The following IFIT1 variants were observed in gnomAD, a reference collection of about 807,000 sequenced individuals.
The protein encoded by IFIT1 is interferon induced protein with tetratricopeptide repeats 1, also known as antiviral innate immune response effector IFIT1.
A neutral mutation model predicts 2.5 loss-of-function variants in IFIT1; 1 was observed. The observed-to-expected ratio is 0.40, with a 90% CI of 0.14 to 1.92. The LOEUF (loss-of-function observed/expected upper bound fraction) is 1.92, where lower values mean the gene tolerates loss of function less well. IFIT1 is among the 40% of genes most tolerant of loss of function. The probability of loss-of-function intolerance (pLI) is 0.31; values close to 1 mark genes in which losing one functional copy is unlikely to be tolerated. For missense variants in IFIT1, 508 were observed against 557.8 expected, an observed-to-expected ratio of 0.91 and a Z score of 0.90; for synonymous variants, 191 against 201.7, an observed-to-expected ratio of 0.95 and a Z score of 0.45.
rs370267848 is a variant in IFIT1, at chr10:89,405,237, C to A, written c.*1525C>A. 9.5e-4 allele frequency: 144 copies of A among 152,210 alleles called. No homozygotes were observed. Among genetic ancestry groups the A allele is most frequent in the African/African-American group, 3.3e-3 (137 of 41,548 alleles). 9.4% of individuals were successfully genotyped at this position (152,210 alleles called of 1,614,324 possible). On this transcript the variant is annotated 3_prime_UTR_variant, in exon 2 of 2. Coordinates refer to ENST00000371804, the MANE Select transcript of IFIT1 (RefSeq NM_001548.5). ...TTATGCCATTTTATTTGAAGCACTACTTACTAAGTCATTTGCTGATATTAA... is the reference window on the plus strand; with the variant it reads ...TTATGCCATTTTATTTGAAGCACTAATTACTAAGTCATTTGCTGATATTAA...
chr10:89,401,600 C>T (rs944195114), intron 1 of IFIT1, among the ~76,000 whole-genome samples: 5 of 151,800 alleles, frequency 3.3e-5, no homozygotes, highest in South Asian at 2.1e-4. Context: ...CATAGGCTTA[C>T]GTGAAAAAAA....
Position 89,392,626 on chromosome 10 carries a change from T to C in IFIT1, c.-87T>C. ...CACTGTCTTGGGGTTTAAACGTAACTGAAAATCCACAAGACAGAATAGCCA... is the reference window on the plus strand; with the variant it reads ...CACTGTCTTGGGGTTTAAACGTAACCGAAAATCCACAAGACAGAATAGCCA... On this transcript the variant is annotated 5_prime_UTR_variant, in exon 1 of 2. Transcript: ENST00000371804. 5.5e-6 allele frequency: 8 copies of C among 1,464,140 alleles called. No homozygotes were observed. The highest frequency in any genetic ancestry group is 1.1e-5 in the South Asian group (1 of 87,934). 90.7% of individuals were successfully genotyped at this position (1,464,140 alleles called of 1,614,324 possible).
At chr10:89,395,343 G>C (rs1844326744) in intron 1 of IFIT1, among the ~76,000 whole-genome samples, 1 of 152,128 alleles carries the variant, frequency 6.6e-6, no homozygotes, top group Non-Finnish European at 1.5e-5. Context: ...ATAAAGGCTT[G>C]GGCCCACATT....
rs545460891 is a variant in IFIT1, at chr10:89,392,697, C to T, written c.-16C>T. ...AAGCAAAACCCTGCAGAACGGCTGC[C>T]TAATTTACAGCAACCATGAGGTAAG... On this transcript the variant is annotated 5_prime_UTR_variant, in exon 1 of 2. Transcript: ENST00000371804. 1.2e-6 allele frequency: 2 copies of T among 1,614,042 alleles called. No individual in the cohort carries two copies. The highest frequency in any genetic ancestry group is 1.1e-5 in the South Asian group (1 of 91,078).
rs999825117 is a variant in IFIT1 at position 89,402,815 on chromosome 10, G to T, written c.540G>T (p.Gly180=). The change falls in exon 2 of 2, where the codon GGG becomes GGT. Residue 180 remains glycine, a synonymous_variant. Coordinates refer to ENST00000371804, the MANE Select transcript of IFIT1 (RefSeq NM_001548.5). ...CTGAAAACCCTGAATCCAGCGCTGG[G>T]TATGCGATCTCTGCCTATCGCCTGG... ...VDPENPESSA[G]YAISAYRLDG... is the part of the protein sequence containing the mutation. The T allele has an allele frequency of 1.2e-6, 2 of 1,614,090 alleles. No individual in the cohort carries two copies. Among genetic ancestry groups the T allele is most frequent in the Non-Finnish European group, 1.7e-6 (2 of 1,180,052 alleles).
chr10:89,403,098 A>T lies in IFIT1; in HGVS notation c.823A>T (p.Lys275Ter). 6.2e-7 allele frequency: 1 copy of T among 1,614,212 alleles called. No homozygotes were observed. The highest frequency in any genetic ancestry group is 1.3e-5 in the African/African-American group (1 of 75,052). The change falls in exon 2 of 2, where the codon AAA becomes TAA. Residue 275 changes from lysine to a stop codon, truncating the protein, a stop_gained. Coordinates refer to ENST00000371804, the MANE Select transcript of IFIT1 (RefSeq NM_001548.5). LOFTEE classifies it low-confidence loss of function (END_TRUNC). Reference protein sequence around the residue: ...GSVDKALELLKKALQETPTSV... With the variant: ...GSVDKALELL ...TGTGGATAAAGCTCTTGAGTTATTA[A>T]AAAAGGCCTTGCAGGAAACACCCAC...
rs1381193628 is a variant in IFIT1, at chr10:89,405,899, G to A, written c.*2187G>A. 2 of 152,098 alleles carry A rather than the reference G, an allele frequency of 1.3e-5. No individual in the cohort carries two copies. Among genetic ancestry groups the A allele is most frequent in the Non-Finnish European group, 2.9e-5 (2 of 68,018 alleles). 9.4% of individuals were successfully genotyped at this position (152,098 alleles called of 1,614,324 possible). ...CTTGGCCATGGATACGATTGCGGGG[G>A]GGGCATTATTCTTACCACAGAGCAC... On this transcript the variant is annotated 3_prime_UTR_variant, in exon 2 of 2. Transcript: ENST00000371804.
chr10:89,402,497 C>G lies in IFIT1; in HGVS notation c.222C>G (p.Ser74Arg). ...GCCAGAATGAGGAAGCCCTGAAGAG[C>G]TTAAAAGAAGCTGAAAACTTAATGC... ...LKGQNEEALKSLKEAENLMQE... is the reference protein window; with the variant it reads ...LKGQNEEALKRLKEAENLMQE... Residue 74 changes from serine to arginine, a missense_variant, in exon 2 of 2, where the codon AGC becomes AGG. Ser to Arg is a moderately radical substitution (Grantham distance 110, BLOSUM62 -1). Transcript: ENST00000371804. 2 of 1,614,184 alleles carry G rather than the reference C, an allele frequency of 1.2e-6. No homozygotes were observed. The highest frequency in any genetic ancestry group is 1.7e-6 in the Non-Finnish European group (2 of 1,180,050).
Position 89,403,935 on chromosome 10 carries a change from G to A in IFIT1, c.*223G>A, listed in dbSNP as rs1255099244. 5.0e-6 allele frequency: 2 copies of A among 401,988 alleles called. No individual in the cohort carries two copies. Among genetic ancestry groups the A allele is most frequent in the Non-Finnish European group, 8.7e-6 (2 of 228,606 alleles). The allele number at this position is 401,988 out of a possible 1,614,324, so 24.9% of individuals were successfully genotyped here. On this transcript the variant is annotated 3_prime_UTR_variant, in exon 2 of 2. Transcript: ENST00000371804. The stretch of plus-strand genomic sequence containing the variant: ...TCATTTGTATGAGTGCTATGTAGTA[G>A]AGAAAAAATGTTAGTTAACTTTGTA...
At chr10:89,393,403 A>C in intron 1 of IFIT1, 1 of 816,802 alleles carries the variant, frequency 1.2e-6, no homozygotes, top group Non-Finnish European at 1.7e-6. Context: ...TCCTTACCTA[A>C]AGGGCCTAAT....
At chr10:89,396,710 C>T (rs1052522188) in intron 1 of IFIT1, among the ~76,000 whole-genome samples, 3 of 152,222 alleles carry the variant, frequency 2.0e-5, no homozygotes, top group Non-Finnish European at 4.4e-5. Flanking sequence ...TGTATCCAAA[C>T]CATAGCACTT....
In IFIT1 at chr10:89,402,594, C is replaced by T. The variant is rs1446635400; in HGVS notation, c.319C>T (p.His107Tyr). ...TWGNFAWMYY[H>Y]MGRLAEAQTY... is the part of the protein sequence containing the mutation. Reference sequence around the variant, plus strand: ...GGGCAACTTTGCCTGGATGTATTACCACATGGGCAGACTGGCAGAAGCCCA... The same window carrying T: ...GGGCAACTTTGCCTGGATGTATTACTACATGGGCAGACTGGCAGAAGCCCA... Residue 107 changes from histidine (H) to tyrosine (Y), a missense_variant, in exon 2 of 2, where the codon CAC (histidine) becomes TAC (tyrosine). Transcript: ENST00000371804. The T allele has an allele frequency of 8.7e-6, 14 of 1,614,186 alleles. 1 individual carries two copies. The Admixed American group carries it at 2.2e-4, about 25-fold the overall frequency.
chr10:89,402,907 G>C lies in IFIT1; in HGVS notation c.632G>C (p.Arg211Pro). ...FSLLPLRQAV[R>P]LNPDNGYIKV... ...TTGCTTCCCCTAAGGCAGGCTGTCCGCTTAAATCCAGACAATGGATATATT... is the reference window on the plus strand; with the variant it reads ...TTGCTTCCCCTAAGGCAGGCTGTCCCCTTAAATCCAGACAATGGATATATT... Residue 211 changes from arginine to proline, a missense_variant, in exon 2 of 2, where the codon CGC (arginine) becomes CCC (proline). By Grantham distance (103) the Arg-to-Pro change is moderately radical (BLOSUM62 -2). Coordinates refer to ENST00000371804, the MANE Select transcript of IFIT1 (RefSeq NM_001548.5). The C allele has an allele frequency of 6.2e-7, 1 of 1,614,150 alleles. No homozygotes were observed.
In IFIT1 at chr10:89,403,151, G is replaced by T; in HGVS notation, c.876G>T (p.Gly292=). 2 of 1,613,984 alleles carry T rather than the reference G, an allele frequency of 1.2e-6. No homozygotes were observed. Among genetic ancestry groups the T allele is most frequent in the East Asian group, 2.2e-5 (1 of 44,892 alleles). The change falls in exon 2 of 2, where the codon GGG becomes GGT. Residue 292 remains glycine (G), a synonymous_variant. Coordinates refer to ENST00000371804, the MANE Select transcript of IFIT1 (RefSeq NM_001548.5). ...PTSVLLHHQI[G]LCYKAQMIQI... Reference sequence around the variant, plus strand: ...CTGTCTTACTGCATCACCAGATAGGGCTTTGCTACAAGGCACAAATGATCC... The same window carrying T: ...CTGTCTTACTGCATCACCAGATAGGTCTTTGCTACAAGGCACAAATGATCC...
At position 89,392,671 on chromosome 10, in the gene IFIT1, T is replaced by C. The variant is rs1589631939; in HGVS notation, c.-42T>C. 1 of 1,613,274 alleles carries C rather than the reference T, an allele frequency of 6.2e-7. No homozygotes were observed. The highest frequency in any genetic ancestry group is 2.2e-5 in the East Asian group (1 of 44,876). On this transcript the variant is annotated 5_prime_UTR_variant, in exon 1 of 2. Coordinates refer to ENST00000371804, the MANE Select transcript of IFIT1 (RefSeq NM_001548.5). ...TAGCCAGATCTCAGAGGAGCCTGGC[T>C]AAGCAAAACCCTGCAGAACGGCTGC...
Position 89,405,626 on chromosome 10 carries a change from C to G in IFIT1, c.*1914C>G, listed in dbSNP as rs1010119775. The stretch of plus-strand genomic sequence containing the variant: ...GCTCTAGGCAGATAGCCTTTTCCAG[C>G]TTCCAGAGGCTGCCTGAATTCTTTC... On this transcript the variant is annotated 3_prime_UTR_variant, in exon 2 of 2. Coordinates refer to ENST00000371804, the MANE Select transcript of IFIT1 (RefSeq NM_001548.5). The G allele has an allele frequency of 6.6e-6, 1 of 152,192 alleles. No individual in the cohort carries two copies. The highest frequency in any genetic ancestry group is 1.5e-5 in the Non-Finnish European group (1 of 68,044). 9.4% of individuals were successfully genotyped at this position (152,192 alleles called of 1,614,324 possible). A position where few individuals can be genotyped will look rare whatever the true frequency, so the allele number is the denominator to read the frequency against.
chr10:89,394,030 A>T (rs549592815), intron 1 of IFIT1, among the ~76,000 whole-genome samples: 1 of 152,358 alleles, frequency 6.6e-6, no homozygotes, highest in Admixed American at 6.5e-5. Flanking sequence ...TAAGGCAGGT[A>T]CTTACACAGT....
Position 89,402,472 on chromosome 10 carries a change from G to C in IFIT1, c.197G>C (p.Gly66Ala). Residue 66 changes from glycine (G) to alanine (A), a missense_variant, in exon 2 of 2, where the codon GGC (glycine) becomes GCC (alanine). Gly to Ala is a moderately conservative substitution (Grantham distance 60). Transcript: ENST00000371804. Reference protein sequence around the residue: ...NLLAYVKHLKGQNEEALKSLK... With the variant: ...NLLAYVKHLKAQNEEALKSLK... The stretch of plus-strand genomic sequence containing the variant: ...CTAGCCTATGTGAAACACCTGAAAG[G>C]CCAGAATGAGGAAGCCCTGAAGAGC... 1 of 1,614,148 alleles carries C rather than the reference G, an allele frequency of 6.2e-7. No homozygotes were observed.
At position 89,403,217 on chromosome 10, in the gene IFIT1, C is replaced by A; in HGVS notation, c.942C>A (p.Asn314Lys). Reference protein sequence around the residue: ...EATKGQPRGQNREKLDKMIRS... With the variant: ...EATKGQPRGQKREKLDKMIRS... ...CAAAAGGGCAGCCTAGAGGGCAGAACAGAGAAAAGCTAGACAAAATGATAA... is the reference window on the plus strand; with the variant it reads ...CAAAAGGGCAGCCTAGAGGGCAGAAAAGAGAAAAGCTAGACAAAATGATAA... The change falls in exon 2 of 2, where the codon AAC becomes AAA. Residue 314 changes from asparagine to lysine, a missense_variant. Transcript: ENST00000371804. The A allele has an allele frequency of 6.2e-7, 1 of 1,614,072 alleles. No individual in the cohort carries two copies. The highest frequency in any genetic ancestry group is 1.3e-5 in the African/African-American group (1 of 75,006).
Sources: gnomAD v4.1 joint callset for allele counts (sites outside exome capture counted in the v4.1 genomes callset) on GRCh38, gnomAD v4.1.1 for gene constraint, MANE v1.5 for transcripts, NCBI Gene and HGNC (gene_info 2026-07-23, HGNC 2026-07-21) for gene names.